SPTBN4: variants seen among roughly 807,000 people sequenced by gnomAD.
SPTBN4 encodes spectrin beta chain, non-erythrocytic 4.
A neutral mutation model predicts 277.8 loss-of-function variants in SPTBN4; 96 were observed. The ratio of observed to expected loss-of-function variants is 0.35; its 90% CI spans 0.29 to 0.41. The LOEUF (loss-of-function observed/expected upper bound fraction) is 0.41. SPTBN4 is among the 10% of genes least tolerant of loss of function. The pLI is 1.00. For synonymous variants in SPTBN4, 1,481 were observed against 1,580.3 expected, an observed-to-expected ratio of 0.94 and a Z score of 1.49; for missense variants, 3,006 against 3,595.7, an observed-to-expected ratio of 0.84 and a Z score of 4.19.
chr19:40,565,626 C>A (rs1379402112), intron 28 of SPTBN4, 35 bp from the exon 29 acceptor site: 2 of 1,559,596 alleles, frequency 1.3e-6, no homozygotes, highest in South Asian at 2.3e-5. Context: ...CCATTCCACA[C>A]CCTGACTTCC....
Position 40,569,779 on chromosome 19 carries a change from G to A in SPTBN4, c.7026+53G>A, listed in dbSNP as rs557849559. 21 of 1,546,696 alleles carry A rather than the reference G, an allele frequency of 1.4e-5. No individual in the cohort carries two copies. The Admixed American group carries it at 1.6e-4, about 12-fold the overall frequency. On this transcript the variant is annotated intron_variant, in intron 32 of 35. Transcript: ENST00000598249. ...TAGGAGGACCCCTTTTTCAGAGCAG[G>A]AGGCAGGATCTCAGAAACAGCCAGT...
rs780975019 is a variant in SPTBN4 at position 40,567,749 on chromosome 19, G to A, written c.6423G>A (p.Ala2141=). The change falls in exon 31 of 36, where the codon GCG becomes GCA. Residue 2141 remains alanine, a synonymous_variant. Transcript: ENST00000598249. ...TCTTTGGGGACCCCACGGAACTGGCGGCCAAGGCGGCGCCCCTGCTGCGGC... is the reference window on the plus strand; with the variant it reads ...TCTTTGGGGACCCCACGGAACTGGCAGCCAAGGCGGCGCCCCTGCTGCGGC... ...RKFFGDPTEL[A]AKAAPLLRPG... 16 of 1,546,926 alleles carry A rather than the reference G, an allele frequency of 1.0e-5. No homozygotes were observed. The African/African-American group carries it at 2.3e-4, about 22-fold the overall frequency.
chr19:40,512,094 G>T (rs2080397518), intron 13 of SPTBN4, among the ~76,000 whole-genome samples: 1 of 152,208 alleles, frequency 6.6e-6, no homozygotes, highest in South Asian at 2.1e-4. Context: ...CTGCACTCCA[G>T]CCTGGGCAAC....
chr19:40,514,403 C>T (rs960455289), intron 14 of SPTBN4, among the ~76,000 whole-genome samples: 1 of 152,152 alleles, frequency 6.6e-6, no homozygotes. Flanking sequence ...TGGCTGGGAA[C>T]CCAGAGAGGC....
chr19:40,574,465 G>C (rs1439216427), intron 35 of SPTBN4, among the ~76,000 whole-genome samples: 1 of 151,574 alleles, frequency 6.6e-6, no homozygotes, highest in Non-Finnish European at 1.5e-5. Context: ...GGGTTCAAGC[G>C]ACTCTCCTGC....
At position 40,494,901 on chromosome 19, in the gene SPTBN4, C is replaced by T. The variant is rs763084882; in HGVS notation, c.592C>T (p.Pro198Ser). The change falls in exon 6 of 36, where the codon CCT (proline) becomes TCT (serine). Residue 198 changes from proline to serine, a missense_variant. Around this residue, in one of 5 missense-constraint regions of SPTBN4, gnomAD observed 1,759 missense variants for 2,061.5 expected, o/e 0.85. Coordinates refer to ENST00000598249, the MANE Select transcript of SPTBN4 (RefSeq NM_020971.3). The stretch of plus-strand genomic sequence containing the variant: ...TTTCTCCCTTCACCCTTCCAGTTAC[C>T]CTGAGGTAAACATCCAGAATTTCAC... ...LWCQMKTAGYPEVNIQNFTTS... is the reference protein window; with the variant it reads ...LWCQMKTAGYSEVNIQNFTTS... The T allele has an allele frequency of 1.2e-6, 2 of 1,614,014 alleles. No individual in the cohort carries two copies. Among genetic ancestry groups the T allele is most frequent in the Non-Finnish European group, 1.7e-6 (2 of 1,179,956 alleles).
At chr19:40,505,708 AAGG>A (rs1158657692) in intron 12 of SPTBN4, among the ~76,000 whole-genome samples, 12 of 128,610 alleles carry the variant, frequency 9.3e-5, no homozygotes, top group Non-Finnish European at 1.0e-4. Flanking sequence ...GGGAGGAAGG[AAGG>A]AAGGAAGGAA....
Position 40,490,339 on chromosome 19 carries a change from A to G in SPTBN4, c.495+91A>G. On this transcript the variant is annotated intron_variant, in intron 4 of 35. Coordinates refer to ENST00000598249, the MANE Select transcript of SPTBN4 (RefSeq NM_020971.3). This position sits in a 1 kb window ranked among gnomAD's most constrained non-coding sequence, Gnocchi z 4.3. The stretch of plus-strand genomic sequence containing the variant: ...TACCCATTCATTCTTTCCTTCCAAT[A>G]ATATCCTAATATGCTGGAATCCTAT... The G allele has an allele frequency of 7.1e-7, 1 of 1,413,938 alleles. No individual in the cohort carries two copies. The highest frequency in any genetic ancestry group is 1.4e-5 in the South Asian group (1 of 70,444). 87.6% of individuals were successfully genotyped at this position (1,413,938 alleles called of 1,614,324 possible).
At position 40,534,108 on chromosome 19, in the gene SPTBN4, C is replaced by T. The variant is rs2145900794; in HGVS notation, c.4124C>T (p.Pro1375Leu). Residue 1375 changes from proline (P) to leucine (L), a missense_variant, in exon 20 of 36, where the codon CCC (proline) becomes CTC (leucine). This residue lies in a region of SPTBN4 where 1,759 missense variants were observed against 2,061.5 expected (regional missense o/e 0.85). Coordinates refer to ENST00000598249, the MANE Select transcript of SPTBN4 (RefSeq NM_020971.3). The stretch of plus-strand genomic sequence containing the variant: ...GGCCAGCAACTGATGCAGGAGAAGC[C>T]CGAACTGGCGGCCTCCGTGCGGAAG... ...REGQQLMQEK[P>L]ELAASVRKKL... 6.2e-7 allele frequency: 1 copy of T among 1,607,774 alleles called. No homozygotes were observed. The highest frequency in any genetic ancestry group is 8.5e-7 in the Non-Finnish European group (1 of 1,175,270).
intron 15 of SPTBN4, among the ~76,000 whole-genome samples, chr19:40,516,060 CTATA>C (rs941913037): frequency 2.2e-5 from 3 of 133,948 alleles, no homozygotes; most frequent in African/African-American, 9.5e-5. Context: ...TATATACACA[CTATA>C]TATATGTATA....
intron 22 of SPTBN4, among the ~76,000 whole-genome samples, chr19:40,551,155 C>G (rs1305337005): frequency 6.6e-6 from 1 of 152,144 alleles, no homozygotes; most frequent in African/African-American, 2.4e-5. Context: ...AAAGGAAAAT[C>G]AGGGGCTTGA....
Position 40,560,090 on chromosome 19 carries a change from A to C in SPTBN4, c.5671-69A>C. On this transcript the variant is annotated intron_variant, in intron 26 of 35. Transcript: ENST00000598249. This position sits in a 1 kb window ranked among gnomAD's most constrained non-coding sequence, Gnocchi z 5.2. ...ATATCTTGAGGTTCTGCGCTGGAGC[A>C]GATGGTGGGAGGGAGGGCACAGCCT... 1 of 1,498,032 alleles carries C rather than the reference A, an allele frequency of 6.7e-7. No homozygotes were observed. Among genetic ancestry groups the C allele is most frequent in the Non-Finnish European group, 8.9e-7 (1 of 1,129,078 alleles). The allele number at this position is 1,498,032 out of a possible 1,614,324, so 92.8% of individuals were successfully genotyped here.
At chr19:40,546,849 A>AAC (rs1025282420) in intron 20 of SPTBN4, among the ~76,000 whole-genome samples, 1 of 152,048 alleles carries the variant, frequency 6.6e-6, no homozygotes, top group Non-Finnish European at 1.5e-5. Flanking sequence ...CAAAAAACAA[A>AAC]ACACACACAC....
chr19:40,569,606 T>C (rs1048964606), intron 31 of SPTBN4, 51 bp from the exon 32 acceptor site: 1 of 1,595,370 alleles, frequency 6.3e-7, no homozygotes, highest in African/African-American at 1.3e-5. Flanking sequence ...GACAGGTCCA[T>C]GGGAGAAGGA....
At chr19:40,558,947 T>G (rs1286294123) in intron 26 of SPTBN4, among the ~76,000 whole-genome samples, 13 of 146,140 alleles carry the variant, frequency 8.9e-5, no homozygotes, top group African/African-American at 3.3e-4. Context: ...TTATTATTAT[T>G]ATGAGGCAGA....
At position 40,502,774 on chromosome 19, in the gene SPTBN4, G is replaced by A; in HGVS notation, c.1204-1G>A. ...TGAGTGCCTCCTCCCATCTCCTGCA[G>A]GCATGGGGTGAGCTGGAGAAGGCTG... On this transcript the variant is annotated splice_acceptor_variant, in intron 10 of 35. Coordinates refer to ENST00000598249, the MANE Select transcript of SPTBN4 (RefSeq NM_020971.3). LOFTEE classifies it high-confidence loss of function. The surrounding 1 kb of genome is among the most constrained non-coding windows in gnomAD (Gnocchi z 4.9). 1 of 1,613,660 alleles carries A rather than the reference G, an allele frequency of 6.2e-7. No individual in the cohort carries two copies. The highest frequency in any genetic ancestry group is 8.5e-7 in the Non-Finnish European group (1 of 1,179,856).
In SPTBN4 at chr19:40,516,237, CAAA is replaced by C. The variant is rs61403353; in HGVS notation, c.2903+806_2903+808del. ...TGGGCAATAGAGCCAGACCTTGTCT[CAAA>C]AAAAAAAAAAAAAAAATTCCCAATA... On this transcript the variant is annotated intron_variant, in intron 15 of 35. Transcript: ENST00000598249. 8.8e-3 allele frequency among the ~76,000 whole-genome samples: 989 copies of C among 112,266 alleles called. 14 individuals are homozygous for C. Among genetic ancestry groups the C allele is most frequent in the African/African-American group, 0.028 (893 of 32,386 alleles). 73.7% of individuals were successfully genotyped at this position (112,266 alleles called of 152,430 possible).
At chr19:40,524,257 C>A (rs2080563357) in intron 17 of SPTBN4, among the ~76,000 whole-genome samples, 1 of 151,848 alleles carries the variant, frequency 6.6e-6, no homozygotes, top group Non-Finnish European at 1.5e-5. Context: ...GTAATCCCAG[C>A]ACTTCGGTAG....
intron 13 of SPTBN4, among the ~76,000 whole-genome samples, chr19:40,508,495 T>C (rs1238568147): frequency 2.6e-5 from 4 of 152,194 alleles, no homozygotes; most frequent in African/African-American, 7.2e-5. Context: ...GAGACCAGCC[T>C]GGCCAACATG....
Sources: gnomAD v4.1 joint callset for allele counts (sites outside exome capture counted in the v4.1 genomes callset) on GRCh38, gnomAD v4.1.1 for gene constraint, gnomAD v4.1.1 regional missense constraint, Gnocchi (gnomAD v3.1) non-coding constraint, MANE v1.5 for transcripts, NCBI Gene and HGNC (gene_info 2026-07-23, HGNC 2026-07-21) for gene names.